MGAT4C: variants seen among roughly 807,000 people sequenced by gnomAD.
MGAT4C encodes the protein MGAT4 family member C, also known as alpha-1,3-mannosyl-glycoprotein 4-beta-N-acetylglucosaminyltransferase C.
In MGAT4C, 19 loss-of-function variants were observed where a neutral mutation model predicts 40.1. The observed-to-expected ratio is 0.47, with a 90% CI of 0.33 to 0.70. The LOEUF (loss-of-function observed/expected upper bound fraction) is 0.70. Ranked by LOEUF, MGAT4C falls within the 30% of genes least tolerant of loss-of-function variation. MGAT4C has a pLI of 0.02. For missense variants in MGAT4C, 491 were observed against 563.2 expected, an observed-to-expected ratio of 0.87 and a Z score of 1.30; for synonymous variants, 181 against 187.1, an observed-to-expected ratio of 0.97 and a Z score of 0.27.
intron 2 of MGAT4C, among the ~76,000 whole-genome samples, chr12:86,035,095 G>C (rs1326446240): frequency 1.3e-5 from 2 of 150,098 alleles, no homozygotes; most frequent in African/African-American, 4.8e-5. Flanking sequence ...TACATACCCA[G>C]TAATGGGATT....
At chr12:86,751,797 C>T (rs17040810) in intron 1 of MGAT4C, among the ~76,000 whole-genome samples, 59,450 of 151,718 alleles carry the variant, frequency 0.39, 11,782 homozygotes, top group East Asian at 0.46. Context: ...ACAAGCCTAT[C>T]CTCCTTCAGC....
At chr12:86,817,362 ATTTCTTGATATTTG>A (rs1952626458) in intron 1 of MGAT4C, among the ~76,000 whole-genome samples, 1 of 151,264 alleles carries the variant, frequency 6.6e-6, no homozygotes, top group African/African-American at 2.4e-5. Context: ...ATTGTAATTT[ATTTCTTGATATTTG>A]TTTCATATTG....
In MGAT4C at chr12:86,069,404, C is replaced by T. The variant is rs373856121; in HGVS notation, c.-56-19681G>A. 7.4e-4 allele frequency among the ~76,000 whole-genome samples: 113 copies of T among 152,212 alleles called. 1 individual carries two copies. The highest frequency in any genetic ancestry group is 6.8e-3 in the South Asian group (33 of 4,822). On this transcript the variant is annotated intron_variant, in intron 1 of 4. Coordinates refer to ENST00000611864, the MANE Select transcript of MGAT4C (RefSeq NM_001351288.2). ...ACTGGGTTAATAACAACACTCCAAG[C>T]TAACAGTAAATTAAAATATATGTGT...
chr12:86,609,664 A>T (rs1250082039), intron 2 of MGAT4C, among the ~76,000 whole-genome samples: 1 of 152,078 alleles, frequency 6.6e-6, no homozygotes, highest in African/African-American at 2.4e-5. Flanking sequence ...AACTCTGTTT[A>T]CTTAAAGGAA....
At chr12:86,211,126 T>C (rs1950441301) in intron 1 of MGAT4C, among the ~76,000 whole-genome samples, 2 of 151,340 alleles carry the variant, frequency 1.3e-5, no homozygotes, top group South Asian at 4.2e-4. Flanking sequence ...TCAAACTGCT[T>C]CTGTGGGTCT....
intron 1 of MGAT4C, among the ~76,000 whole-genome samples, chr12:86,780,936 C>T (rs1951828585): frequency 6.6e-6 from 1 of 152,076 alleles, no homozygotes; most frequent in African/African-American, 2.4e-5. Flanking sequence ...TGAATTATTA[C>T]ACTTAAGGTA....
intron 2 of MGAT4C, among the ~76,000 whole-genome samples, chr12:86,030,781 A>G (rs1184106644): frequency 6.6e-6 from 1 of 151,810 alleles, no homozygotes; most frequent in Admixed American, 6.6e-5. Context: ...AAAAAAATGT[A>G]AAGATTATTA....
intron 2 of MGAT4C, among the ~76,000 whole-genome samples, chr12:86,569,089 A>AATAT: frequency 2.0e-5 from 3 of 151,284 alleles, no homozygotes; most frequent in African/African-American, 7.3e-5. Context: ...GAATTAGAAG[A>AATAT]ATATATATAT....
intron 2 of MGAT4C, among the ~76,000 whole-genome samples, chr12:86,499,332 A>T (rs886592769): frequency 3.3e-5 from 5 of 151,672 alleles, no homozygotes; most frequent in African/African-American, 1.2e-4. Flanking sequence ...ATATATATAC[A>T]TACTCTATAA....
intron 2 of MGAT4C, among the ~76,000 whole-genome samples, chr12:86,686,651 A>G (rs1950077748): frequency 6.6e-6 from 1 of 152,160 alleles, no homozygotes; most frequent in African/African-American, 2.4e-5. Flanking sequence ...TGATTTTCAT[A>G]TGTTGAACCA....
intron 2 of MGAT4C, among the ~76,000 whole-genome samples, chr12:86,536,578 A>C (rs906834304): frequency 6.6e-6 from 1 of 152,172 alleles, no homozygotes; most frequent in African/African-American, 2.4e-5. Context: ...AACCTCTTTA[A>C]GCATTCAGGT....
At chr12:86,263,427 T>C (rs552479085) in intron 4 of MGAT4C, among the ~76,000 whole-genome samples, 6 of 152,280 alleles carry the variant, frequency 3.9e-5, no homozygotes, top group Admixed American at 6.5e-5. Context: ...GAATACACAA[T>C]ATTTGTCTTT....
intron 1 of MGAT4C, among the ~76,000 whole-genome samples, chr12:86,056,677 A>G (rs143065712): frequency 0.011 from 1,688 of 152,288 alleles, 18 homozygotes; most frequent in Non-Finnish European, 0.019. Context: ...CATTGTGAAT[A>G]GTGCTGCAAT....
At chr12:86,061,552 A>C (rs865820352) in intron 1 of MGAT4C, among the ~76,000 whole-genome samples, 1 of 151,798 alleles carries the variant, frequency 6.6e-6, no homozygotes, top group African/African-American at 2.4e-5. Context: ...AAGGGGGCTG[A>C]AGTCAGGGAG....
chr12:86,819,050 C>T (rs1952656990), intron 1 of MGAT4C, among the ~76,000 whole-genome samples: 1 of 150,818 alleles, frequency 6.6e-6, no homozygotes, highest in African/African-American at 2.4e-5. Context: ...GGTATAACCA[C>T]TATGAAAAAC....
At chr12:86,657,678 A>T (rs995140777) in intron 2 of MGAT4C, among the ~76,000 whole-genome samples, 2 of 151,972 alleles carry the variant, frequency 1.3e-5, no homozygotes, top group Admixed American at 6.6e-5. Context: ...GAGCAATTAA[A>T]AATATGAGAA....
At chr12:86,157,361 T>C (rs923864446) in intron 1 of MGAT4C, among the ~76,000 whole-genome samples, 1 of 152,136 alleles carries the variant, frequency 6.6e-6, no homozygotes, top group African/African-American at 2.4e-5. Flanking sequence ...AACTTTAAAG[T>C]ATTACTTCTT....
intron 2 of MGAT4C, among the ~76,000 whole-genome samples, chr12:86,671,018 T>C (rs2136563643): frequency 6.6e-6 from 1 of 152,370 alleles, no homozygotes; most frequent in South Asian, 2.1e-4. Context: ...TTCTATTTTC[T>C]TGTAGTGGTA....
intron 2 of MGAT4C, among the ~76,000 whole-genome samples, chr12:86,462,585 T>C (rs1374735525): frequency 1.3e-5 from 2 of 152,110 alleles, no homozygotes; most frequent in Non-Finnish European, 2.9e-5. Flanking sequence ...CACAATAGGA[T>C]GTCTGCAAGT....
Sources: gnomAD v4.1 joint callset for allele counts (sites outside exome capture counted in the v4.1 genomes callset) on GRCh38, gnomAD v4.1.1 for gene constraint, MANE v1.5 for transcripts, NCBI Gene and HGNC (gene_info 2026-07-23, HGNC 2026-07-21) for gene names.